METTL15: variants seen among roughly 807,000 people sequenced by gnomAD.
METTL15 encodes 12S rRNA N(4)-cytidine methyltransferase METTL15.
In METTL15, 34 loss-of-function variants were observed where a neutral mutation model predicts 38.3. The ratio of observed to expected loss-of-function variants is 0.89; its 90% confidence interval spans 0.68 to 1.18. The LOEUF (loss-of-function observed/expected upper bound fraction) is 1.18. METTL15 is among the 50% of genes most tolerant of loss of function. The pLI is 0.00. For missense variants in METTL15, 438 were observed against 498.4 expected (o/e 0.88, Z 1.15); for synonymous variants, 162 against 170.9 (o/e 0.95, Z 0.41).
chr11:28,260,848 A>G (rs1855173134), intron 4 of METTL15, among the ~76,000 whole-genome samples: 1 of 152,178 alleles, frequency 6.6e-6, no homozygotes, highest in Non-Finnish European at 1.5e-5. Context: ...AGAATCTGAA[A>G]TTTACTTTGA....
chr11:28,416,413 G>T (rs2133417114), intron 5 of METTL15, among the ~76,000 whole-genome samples: 1 of 152,288 alleles, frequency 6.6e-6, no homozygotes, highest in Middle Eastern at 3.4e-3. Flanking sequence ...AAGAATATGG[G>T]TCCATGTTTC....
At chr11:28,218,150 G>A (rs1248518053) in intron 4 of METTL15, among the ~76,000 whole-genome samples, 1 of 152,152 alleles carries the variant, frequency 6.6e-6, no homozygotes, top group Non-Finnish European at 1.5e-5. Flanking sequence ...ACCTTGGATA[G>A]TGTGGCCATT....
intron 6 of METTL15, among the ~76,000 whole-genome samples, chr11:28,325,436 T>C (rs968910258): frequency 2.0e-5 from 3 of 152,158 alleles, no homozygotes; most frequent in Non-Finnish European, 4.4e-5. Context: ...GCTTTATACA[T>C]AAGTTTTGGG....
At chr11:28,507,312 A>G (rs1455697187) in intron 6 of METTL15, among the ~76,000 whole-genome samples, 1 of 152,176 alleles carries the variant, frequency 6.6e-6, no homozygotes, top group Non-Finnish European at 1.5e-5. Context: ...AAGGAGGAAG[A>G]GAGAGTGAAG....
chr11:28,269,289 C>T (rs569037702), intron 4 of METTL15, among the ~76,000 whole-genome samples: 4 of 152,060 alleles, frequency 2.6e-5, no homozygotes, highest in African/African-American at 7.2e-5. Context: ...ATTTCTCTCC[C>T]TCTTAGAACT....
intron 4 of METTL15, among the ~76,000 whole-genome samples, chr11:28,253,788 G>C (rs909360993): frequency 1.3e-5 from 2 of 151,886 alleles, no homozygotes; most frequent in African/African-American, 4.8e-5. Context: ...TTCCATTCAT[G>C]GTATTGCAAA....
chr11:28,404,188 T>C (rs1419326720), intron 5 of METTL15, among the ~76,000 whole-genome samples: 1 of 152,194 alleles, frequency 6.6e-6, no homozygotes, highest in East Asian at 1.9e-4. Flanking sequence ...GGAGTCTCTC[T>C]CCAGAAAAAT....
At chr11:28,503,818 C>T (rs571364937) in intron 6 of METTL15, among the ~76,000 whole-genome samples, 12 of 151,912 alleles carry the variant, frequency 7.9e-5, no homozygotes, top group South Asian at 2.1e-4. Context: ...GATTCAAACC[C>T]GGTAGGCCAG....
At chr11:28,513,641 C>A (rs1236535918) in intron 6 of METTL15, among the ~76,000 whole-genome samples, 1 of 152,162 alleles carries the variant, frequency 6.6e-6, no homozygotes, top group African/African-American at 2.4e-5. Flanking sequence ...ATTTACCCAC[C>A]TATTTATTAA....
intron 4 of METTL15, among the ~76,000 whole-genome samples, chr11:28,225,567 TTTCTTGGAAATCTATTTCTCACTTG>T (rs1853444758): frequency 6.6e-6 from 1 of 151,720 alleles, no homozygotes; most frequent in Non-Finnish European, 1.5e-5. Context: ...TTTATTTCTG[TTTCTTGGAAATCTATTTCTCACTTG>T]TTCTTTTCAC....
At chr11:28,275,973 C>T (rs1176140108) in intron 4 of METTL15, among the ~76,000 whole-genome samples, 2 of 152,016 alleles carry the variant, frequency 1.3e-5, no homozygotes, top group Non-Finnish European at 2.9e-5. Flanking sequence ...ATATATTACA[C>T]ACCTATAGCT....
At chr11:28,258,133 G>A (rs1855047024) in intron 4 of METTL15, among the ~76,000 whole-genome samples, 1 of 152,214 alleles carries the variant, frequency 6.6e-6, no homozygotes, top group Admixed American at 6.5e-5. Context: ...CAGGCTTGAA[G>A]AGGTACTGCC....
chr11:28,406,095 T>C (rs1039166030), intron 5 of METTL15, among the ~76,000 whole-genome samples: 3 of 152,222 alleles, frequency 2.0e-5, no homozygotes, highest in Admixed American at 2.0e-4. Flanking sequence ...TCTGGGCTCT[T>C]TTTTGGTCCA....
intron 6 of METTL15, among the ~76,000 whole-genome samples, chr11:28,516,678 C>T (rs939751343): frequency 1.8e-4 from 28 of 152,108 alleles, no homozygotes; most frequent in African/African-American, 6.0e-4. Flanking sequence ...TATGGTAATT[C>T]TCCTGTGAAT....
chr11:28,454,907 G>A (rs1370156484), intron 6 of METTL15, among the ~76,000 whole-genome samples: 1 of 152,214 alleles, frequency 6.6e-6, no homozygotes, highest in African/African-American at 2.4e-5. Flanking sequence ...GGAGGGGCTT[G>A]GAGTGGAGGA....
chr11:28,342,453 G>A (rs1849961443), intron 3 of METTL15, among the ~76,000 whole-genome samples: 1 of 151,058 alleles, frequency 6.6e-6, no homozygotes, highest in African/African-American at 2.4e-5. Context: ...TGTAGGGACA[G>A]GGTTTCTCTA....
chr11:28,175,703 C>G (rs1590110927), intron 3 of METTL15, among the ~76,000 whole-genome samples: 1 of 152,078 alleles, frequency 6.6e-6, no homozygotes, highest in Non-Finnish European at 1.5e-5. Context: ...CTTACTCTTC[C>G]CCTATTAAAT....
intron 5 of METTL15, among the ~76,000 whole-genome samples, chr11:28,415,703 G>C (rs1045864358): frequency 1.3e-5 from 2 of 152,170 alleles, no homozygotes; most frequent in South Asian, 4.1e-4. Flanking sequence ...GAGTTGATTT[G>C]ATGAAGTCTA....
At chr11:28,398,527 T>G (rs551896037) in intron 5 of METTL15, among the ~76,000 whole-genome samples, 8 of 152,262 alleles carry the variant, frequency 5.3e-5, no homozygotes, top group African/African-American at 1.9e-4. Context: ...ATGGGGTTGT[T>G]TTTTCTTGAA....
Sources: gnomAD v4.1 joint callset for allele counts (sites outside exome capture counted in the v4.1 genomes callset) on GRCh38, gnomAD v4.1.1 for gene constraint, MANE v1.5 for transcripts, NCBI Gene and HGNC (gene_info 2026-07-23, HGNC 2026-07-21) for gene names.